TMEM219: variants seen among roughly 807,000 people sequenced by gnomAD.
TMEM219 encodes the protein insulin-like growth factor-binding protein 3 receptor.
TMEM219 carries 18 observed loss-of-function variants against 17.9 expected under a neutral mutation model. That is an observed-to-expected ratio of 1.01 (90% confidence interval 0.70 to 1.49). The LOEUF is 1.49. Among genes scored for constraint, TMEM219 ranks in the 40% most tolerant of loss-of-function variants. The probability of loss-of-function intolerance (pLI) is 0.00; values close to 1 mark genes in which losing one functional copy is unlikely to be tolerated. For synonymous variants in TMEM219, 113 were observed against 124.0 expected (o/e 0.91, Z 0.59); for missense variants, 288 against 292.4 (o/e 0.99, Z 0.11).
intron 3 of TMEM219, among the ~76,000 whole-genome samples, chr16:29,965,664 G>A (rs563379734): frequency 2.3e-4 from 35 of 152,100 alleles, no homozygotes; most frequent in Non-Finnish European, 4.0e-4. Context: ...CTGGGAGGCA[G>A]GGCTTGCAGT....
rs556026842 is a variant in TMEM219, at chr16:29,971,021, C to T, written c.586-387C>T. 6.0e-5 allele frequency among the ~76,000 whole-genome samples: 9 copies of T among 150,962 alleles called. No homozygotes were observed. The South Asian group carries it at 8.4e-4, about 14-fold the overall frequency. On this transcript the variant is annotated intron_variant, in intron 4 of 5. Transcript: ENST00000279396. ...CAGCACTTTGGGAGGCCGAGGTGGG[C>T]GGATCATGAGGTCAGGAGATCAAGA... is the stretch of plus-strand genomic sequence containing the variant.
At chr16:29,972,042 A>G (rs1208571503) in intron 5 of TMEM219, 1 of 153,988 alleles carries the variant, frequency 6.5e-6, no homozygotes, top group African/African-American at 2.4e-5. Flanking sequence ...AACTATGTAG[A>G]CAGAATCATA....
intron 4 of TMEM219, 57 bp downstream of exon 4, chr16:29,968,311 C>T: frequency 7.2e-7 from 1 of 1,397,482 alleles, no homozygotes; most frequent in Non-Finnish European, 1.0e-6. Context: ...ACTACTGTAT[C>T]TTGAAGGTCC....
chr16:29,963,458 C>T lies in TMEM219; in HGVS notation c.224C>T (p.Thr75Ile), dbSNP rs1194430850. Reference protein sequence around the residue: ...GQLTLCPRNGTVTGKWRGSHV... With the variant: ...GQLTLCPRNGIVTGKWRGSHV... ...CTGACCCTGTGTCCCAGGAATGGGA[C>T]AGTCACAGGGAAGTGGCGAGGGTCT... Residue 75 changes from threonine to isoleucine, a missense_variant, in exon 3 of 6, where the codon ACA becomes ATA. Physicochemically the swap from Thr to Ile is moderately conservative, Grantham distance 89. Transcript: ENST00000279396. The T allele has an allele frequency of 3.7e-6, 6 of 1,614,112 alleles. No individual in the cohort carries two copies. The highest frequency in any genetic ancestry group is 1.1e-5 in the South Asian group (1 of 91,090).
intron 1 of TMEM219, 32 bp from the exon 2 acceptor site, chr16:29,963,075 C>T (rs2069165446): frequency 3.2e-6 from 5 of 1,559,372 alleles, no homozygotes; most frequent in Non-Finnish European, 4.4e-6. Flanking sequence ...AAAAGCGGTG[C>T]TCTTGTCCCA....
At chr16:29,968,941 G>C (rs2069247627) in intron 4 of TMEM219, among the ~76,000 whole-genome samples, 1 of 152,302 alleles carries the variant, frequency 6.6e-6, no homozygotes, top group South Asian at 2.1e-4. Flanking sequence ...CACACCTTCT[G>C]TCAAGTCAGA....
intron 3 of TMEM219, among the ~76,000 whole-genome samples, chr16:29,966,865 T>G (rs1423830587): frequency 2.6e-5 from 4 of 152,154 alleles, no homozygotes; most frequent in Non-Finnish European, 4.4e-5. Context: ...TGTATTTTCT[T>G]TAAATACTTA....
chr16:29,971,490 C>G lies in TMEM219; in HGVS notation c.668C>G (p.Thr223Ser), dbSNP rs753962093. ...TTCTGTGGCCTTCTCTGCTGTGTCA[C>G]TGCTATGTGCTTCCACCCGCGCCGG... ...LLFCGLLCCVTAMCFHPRRES... is the reference protein window; with the variant it reads ...LLFCGLLCCVSAMCFHPRRES... The change falls in exon 5 of 6, where the codon ACT becomes AGT. Residue 223 changes from threonine (T) to serine (S), a missense_variant. Physicochemically the swap from Thr to Ser is moderately conservative, Grantham distance 58. Transcript: ENST00000279396. 3 of 1,614,118 alleles carry G rather than the reference C, an allele frequency of 1.9e-6. No individual in the cohort carries two copies. The highest frequency in any genetic ancestry group is 2.5e-6 in the Non-Finnish European group (3 of 1,180,032).
At chr16:29,970,190 T>C (rs1238994628) in intron 4 of TMEM219, among the ~76,000 whole-genome samples, 1 of 151,736 alleles carries the variant, frequency 6.6e-6, no homozygotes, top group African/African-American at 2.4e-5. Flanking sequence ...GCTGAGATCA[T>C]GCCACTGCAC....
intron 1 of TMEM219, 35 bp from the exon 2 acceptor site, chr16:29,963,072 G>T (rs1348632572): frequency 3.9e-6 from 6 of 1,543,888 alleles, no homozygotes; most frequent in Non-Finnish European, 3.5e-6. Context: ...CGTAAAAGCG[G>T]TGCTCTTGTC....
rs371222070 is a variant in TMEM219 at position 29,968,253 on chromosome 16, C to A, written c.584C>A (p.Ser195Ter). Residue 195 changes from serine to a stop codon, truncating the protein, a stop_gained and splice_region_variant, in exon 4 of 6, where the codon TCG becomes TAG. Coordinates refer to ENST00000279396, the MANE Select transcript of TMEM219 (RefSeq NM_001083613.2). LOFTEE classifies it high-confidence loss of function. Reference protein sequence around the residue: ...EGLVLTKLLTSEELALCGSRL... With the variant: ...EGLVLTKLLT The stretch of plus-strand genomic sequence containing the variant: ...CTTGTGCTGACCAAGCTGCTCACCT[C>A]GGTAAGAGCCTCAGATGGGTCGCCA... 8.7e-6 allele frequency: 14 copies of A among 1,610,448 alleles called. No individual in the cohort carries two copies. The African/African-American group carries it at 1.6e-4, about 18-fold the overall frequency.
At chr16:29,963,029 C>CA in intron 1 of TMEM219, 78 bp from the exon 2 acceptor site, 1 of 1,291,460 alleles carries the variant, frequency 7.7e-7, no homozygotes, top group East Asian at 2.3e-5. Context: ...CTTGGGAAGT[C>CA]CTTTGTCTTC....
chr16:29,970,254 G>C (rs183519762), intron 4 of TMEM219, among the ~76,000 whole-genome samples: 106 of 147,730 alleles, frequency 7.2e-4, no homozygotes, highest in African/African-American at 2.6e-3. Context: ...AAAAAGAAAA[G>C]ACCCCATGAG....
At chr16:29,966,149 A>G (rs2069210122) in intron 3 of TMEM219, among the ~76,000 whole-genome samples, 1 of 152,204 alleles carries the variant, frequency 6.6e-6, no homozygotes, top group African/African-American at 2.4e-5. Flanking sequence ...GATTACAGGC[A>G]TGAGCTACCG....
At chr16:29,965,693 G>A (rs957014134) in intron 3 of TMEM219, among the ~76,000 whole-genome samples, 1 of 151,958 alleles carries the variant, frequency 6.6e-6, no homozygotes, top group Non-Finnish European at 1.5e-5. Flanking sequence ...TCCTGCCTCA[G>A]CCTCCTGAGT....
rs897936756 is a variant in TMEM219, at chr16:29,962,133, G to T, written c.-38+1G>T. 8 of 152,036 alleles carry T rather than the reference G, an allele frequency of 5.3e-5. No homozygotes were observed. The highest frequency in any genetic ancestry group is 4.6e-4 in the Admixed American group (7 of 15,248). The allele number at this position is 152,036 out of a possible 1,614,324, so 9.4% of individuals were successfully genotyped here. ...GCCGGCCTCCGCCCGGCCCCGAGGG[G>T]TAAGAGCGAGCGGCTGGCGGATCCG... On this transcript the variant is annotated splice_donor_variant, in intron 1 of 5. Transcript: ENST00000279396. LOFTEE classifies it low-confidence loss of function (5UTR_SPLICE).
At position 29,971,511 on chromosome 16, in the gene TMEM219, G is replaced by A. The variant is rs776619992; in HGVS notation, c.689G>A (p.Arg230His). The change falls in exon 5 of 6, where the codon CGC (arginine) becomes CAC (histidine). Residue 230 changes from arginine (R) to histidine (H), a missense_variant. Arg to His is a conservative substitution (Grantham distance 29). Transcript: ENST00000279396. ...CCVTAMCFHP[R>H]RESHWSRTRL ...GTCACTGCTATGTGCTTCCACCCGC[G>A]CCGGGAGTCCCACTGGTCTAGAACC... The A allele has an allele frequency of 3.7e-6, 6 of 1,613,600 alleles. No homozygotes were observed. Among genetic ancestry groups the A allele is most frequent in the Admixed American group, 1.7e-5 (1 of 59,976 alleles).
In TMEM219 at chr16:29,971,404, C is replaced by G. The variant is rs2069285691; in HGVS notation, c.586-4C>G. 1 of 1,613,922 alleles carries G rather than the reference C, an allele frequency of 6.2e-7. No individual in the cohort carries two copies. Among genetic ancestry groups the G allele is most frequent in the African/African-American group, 1.3e-5 (1 of 74,928 alleles). ...CCTCCTCCTCTCCCTGTACCCCTCC[C>G]TAGGAGGAGCTGGCTCTGTGTGGCT... On this transcript the variant is annotated splice_region_variant and splice_polypyrimidine_tract_variant and intron_variant, in intron 4 of 5. Coordinates refer to ENST00000279396, the MANE Select transcript of TMEM219 (RefSeq NM_001083613.2).
chr16:29,967,703 G>A (rs868539144), intron 3 of TMEM219, among the ~76,000 whole-genome samples: 2 of 152,122 alleles, frequency 1.3e-5, no homozygotes, highest in Admixed American at 6.5e-5. Context: ...CAAGGCGGGC[G>A]GATCACGAGG....
Sources: allele counts gnomAD v4.1 joint callset (sites outside exome capture counted in the v4.1 genomes callset), GRCh38; gene constraint gnomAD v4.1.1; transcripts MANE v1.5; gene names NCBI Gene and HGNC (gene_info 2026-07-23, HGNC 2026-07-21).